Variants in GPC6 observed in about 807,000 individuals in gnomAD.
The protein encoded by GPC6 is glypican-6.
A neutral mutation model predicts 55.2 loss-of-function variants in GPC6; 14 were observed. That is an observed-to-expected ratio of 0.25 (90% CI 0.17 to 0.40). The LOEUF (loss-of-function observed/expected upper bound fraction) is 0.40. Among genes scored for constraint, GPC6 ranks in the 10% least tolerant of loss-of-function variants. The probability of loss-of-function intolerance (pLI) is 1.00; values close to 1 mark genes in which losing one functional copy is unlikely to be tolerated. For synonymous variants in GPC6, 278 were observed against 259.6 expected, an observed-to-expected ratio of 1.07 and a Z score of -0.68; for missense variants, 641 against 708.5, an observed-to-expected ratio of 0.90 and a Z score of 1.08.
chr13:93,298,343 T>C (rs1008848839), intron 1 of GPC6, among the ~76,000 whole-genome samples: 1 of 152,228 alleles, frequency 6.6e-6, no homozygotes, highest in African/African-American at 2.4e-5. Flanking sequence ...TTGCTTCTGC[T>C]TATCTTCCCA....
intron 2 of GPC6, among the ~76,000 whole-genome samples, chr13:93,574,768 C>T (rs1017182818): frequency 3.3e-5 from 5 of 152,174 alleles, no homozygotes; most frequent in African/African-American, 7.2e-5. Context: ...AACTCATGTG[C>T]GTTCTGTCTA....
At chr13:94,144,039 CCT>C (rs1473371739) in intron 4 of GPC6, among the ~76,000 whole-genome samples, 1 of 152,084 alleles carries the variant, frequency 6.6e-6, no homozygotes, top group Non-Finnish European at 1.5e-5. Context: ...TTGATTTTGT[CCT>C]AATGGTGAAA....
At chr13:94,111,679 A>T (rs980131763) in intron 4 of GPC6, among the ~76,000 whole-genome samples, 4 of 151,988 alleles carry the variant, frequency 2.6e-5, no homozygotes, top group African/African-American at 9.7e-5. Context: ...TAGAATCATT[A>T]TAGCACTTCT....
chr13:93,880,084 T>G (rs1874865155), intron 3 of GPC6, among the ~76,000 whole-genome samples: 1 of 151,810 alleles, frequency 6.6e-6, no homozygotes, highest in Non-Finnish European at 1.5e-5. Flanking sequence ...GGAGAGGATG[T>G]GGAGAAATAG....
At chr13:93,672,862 AC>A (rs1396123842) in intron 2 of GPC6, among the ~76,000 whole-genome samples, 1 of 151,868 alleles carries the variant, frequency 6.6e-6, no homozygotes, top group Non-Finnish European at 1.5e-5. Context: ...TGAAACATTG[AC>A]CCCCAAAATA....
chr13:94,252,879 C>T (rs959312059), intron 4 of GPC6, among the ~76,000 whole-genome samples: 2 of 151,490 alleles, frequency 1.3e-5, no homozygotes, highest in African/African-American at 2.4e-5. Context: ...AAACCCCAAG[C>T]CTGCTGTTTC....
chr13:93,421,043 C>A (rs941368365), intron 1 of GPC6, among the ~76,000 whole-genome samples: 1 of 152,022 alleles, frequency 6.6e-6, no homozygotes, highest in Non-Finnish European at 1.5e-5. Context: ...GATGAGAGCA[C>A]GCCAGGCATA....
intron 6 of GPC6, among the ~76,000 whole-genome samples, chr13:94,372,411 G>A (rs554311974): frequency 7.2e-5 from 11 of 152,346 alleles, no homozygotes; most frequent in Non-Finnish European, 1.3e-4. Flanking sequence ...GAAGCGCAAG[G>A]GGTCAGGGAG....
intron 6 of GPC6, among the ~76,000 whole-genome samples, chr13:94,310,091 G>T (rs571893903): frequency 6.6e-5 from 10 of 152,244 alleles, no homozygotes; most frequent in Admixed American, 5.2e-4. Context: ...AGCATCAAAA[G>T]GTATTTCAAA....
intron 2 of GPC6, among the ~76,000 whole-genome samples, chr13:93,693,311 A>G (rs1273300623): frequency 6.6e-6 from 1 of 152,164 alleles, no homozygotes; most frequent in Non-Finnish European, 1.5e-5. Context: ...TAAATGATAA[A>G]GTTAACTTAT....
intron 3 of GPC6, among the ~76,000 whole-genome samples, chr13:93,925,631 A>T (rs1037954386): frequency 6.6e-6 from 1 of 152,326 alleles, no homozygotes; most frequent in South Asian, 2.1e-4. Flanking sequence ...GTAACAAACT[A>T]TCCCAAAACT....
chr13:93,227,330 C>A lies in GPC6; in HGVS notation c.-127C>A, dbSNP rs1875823998. Reference sequence around the variant, plus strand: ...CTGCGCTGCTCGTCCCCTCGGCTGGCAGAAGGGGGTGACGCTGGGCAGCGG... The same window carrying A: ...CTGCGCTGCTCGTCCCCTCGGCTGGAAGAAGGGGGTGACGCTGGGCAGCGG... On this transcript the variant is annotated 5_prime_UTR_variant, in exon 1 of 9. Coordinates refer to ENST00000377047, the MANE Select transcript of GPC6 (RefSeq NM_005708.5). This position sits in a 1 kb window ranked among gnomAD's most constrained non-coding sequence, Gnocchi z 4.3. 1 of 891,930 alleles carries A rather than the reference C, an allele frequency of 1.1e-6. No individual in the cohort carries two copies. Among genetic ancestry groups the A allele is most frequent in the Non-Finnish European group, 1.8e-6 (1 of 570,270 alleles). The allele number at this position is 891,930 out of a possible 1,614,324, so 55.3% of individuals were successfully genotyped here.
intron 4 of GPC6, among the ~76,000 whole-genome samples, chr13:94,272,576 C>G (rs1388924400): frequency 6.8e-6 from 1 of 146,406 alleles, no homozygotes; most frequent in African/African-American, 2.5e-5. Flanking sequence ...TCATGCCATT[C>G]TCTTGCCTCA....
At chr13:94,202,657 T>C (rs569077613) in intron 4 of GPC6, among the ~76,000 whole-genome samples, 5 of 152,170 alleles carry the variant, frequency 3.3e-5, no homozygotes, top group Admixed American at 2.0e-4. Context: ...ACCATATCAG[T>C]GCAAGAAAAA....
intron 2 of GPC6, among the ~76,000 whole-genome samples, chr13:93,696,358 GATGAA>G (rs1273516444): frequency 6.6e-6 from 1 of 152,022 alleles, no homozygotes; most frequent in African/African-American, 2.4e-5. Context: ...CCATGGACAG[GATGAA>G]ATAATCCACA....
At chr13:93,497,413 C>G (rs774547218) in intron 1 of GPC6, among the ~76,000 whole-genome samples, 1 of 152,180 alleles carries the variant, frequency 6.6e-6, no homozygotes, top group East Asian at 1.9e-4. Context: ...GAAGCATCAG[C>G]GCTTCTTACT....
chr13:93,685,308 A>C (rs1004867929), intron 2 of GPC6, among the ~76,000 whole-genome samples: 53 of 152,290 alleles, frequency 3.5e-4, no homozygotes, highest in African/African-American at 1.2e-3. Flanking sequence ...GCTGATGTCA[A>C]GTCTCACGCT....
intron 1 of GPC6, among the ~76,000 whole-genome samples, chr13:93,291,815 A>G (rs1161249716): frequency 6.6e-6 from 1 of 152,100 alleles, no homozygotes; most frequent in African/African-American, 2.4e-5. Context: ...GTGTAGTGGT[A>G]TTTCCCATCC....
At chr13:93,926,757 G>T (rs1226066874) in intron 3 of GPC6, among the ~76,000 whole-genome samples, 2 of 151,148 alleles carry the variant, frequency 1.3e-5, no homozygotes, top group African/African-American at 4.9e-5. Flanking sequence ...CAGGCATATT[G>T]TTCCTCCTCA....
Sources: allele counts gnomAD v4.1 joint callset (sites outside exome capture counted in the v4.1 genomes callset), GRCh38; gene constraint gnomAD v4.1.1; non-coding constraint Gnocchi (gnomAD v3.1); transcripts MANE v1.5; gene names NCBI Gene and HGNC (gene_info 2026-07-23, HGNC 2026-07-21).